BLM: variants seen among roughly 807,000 people sequenced by gnomAD.
The protein encoded by BLM is BLM RecQ like helicase.
Under a neutral mutation model 135.3 loss-of-function variants are expected in BLM, and 95 were observed. The observed-to-expected ratio is 0.70, with a 90% confidence interval of 0.59 to 0.83. BLM has a LOEUF of 0.83. Among genes scored for constraint, BLM ranks in the 40% least tolerant of loss-of-function variants. The pLI is 0.00. For missense variants in BLM, 1,518 were observed against 1,663.9 expected (o/e 0.91, Z 1.53); for synonymous variants, 520 against 589.2 (o/e 0.88, Z 1.70).
At chr15:90,783,058 GCA>G in intron 13 of BLM, 130 bp downstream of exon 13, 1 of 693,248 alleles carries the variant, frequency 1.4e-6, no homozygotes, top group South Asian at 1.7e-5. Context: ...TCTTTATAGA[GCA>G]GACTATTGCA....
At chr15:90,811,168 G>A (rs750776036) in intron 20 of BLM, 37 bp from the exon 21 acceptor site, 21 of 1,606,848 alleles carry the variant, frequency 1.3e-5, no homozygotes, top group African/African-American at 4.0e-5. Flanking sequence ...GGACCAGTGC[G>A]ACATCACCTG....
At chr15:90,744,730 A>C (rs1895455283) in intron 1 of BLM, among the ~76,000 whole-genome samples, 3 of 151,730 alleles carry the variant, frequency 2.0e-5, no homozygotes, top group Admixed American at 2.0e-4. Context: ...TGCAGAGATT[A>C]AGGTCTTAAA....
intron 4 of BLM, among the ~76,000 whole-genome samples, chr15:90,752,759 G>A (rs1895721793): frequency 6.6e-6 from 1 of 152,080 alleles, no homozygotes; most frequent in Non-Finnish European, 1.5e-5. Flanking sequence ...TGTTACCTTC[G>A]TCCTCATCCC....
At chr15:90,777,010 T>C (rs1896495188) in intron 12 of BLM, among the ~76,000 whole-genome samples, 1 of 152,040 alleles carries the variant, frequency 6.6e-6, no homozygotes, top group African/African-American at 2.4e-5. Flanking sequence ...TTTGTTTTTG[T>C]TTTTGTTTTG....
At chr15:90,780,632 C>G (rs949960675) in intron 12 of BLM, among the ~76,000 whole-genome samples, 1 of 152,212 alleles carries the variant, frequency 6.6e-6, no homozygotes, top group African/African-American at 2.4e-5. Context: ...ATATCAAAAA[C>G]ATTTGAAAGA....
At position 90,815,262 on chromosome 15, in the gene BLM, T is replaced by A. The variant is rs767443059; in HGVS notation, c.4237T>A (p.Ser1413Thr). 1 of 1,614,010 alleles carries A rather than the reference T, an allele frequency of 6.2e-7. No individual in the cohort carries two copies. The highest frequency in any genetic ancestry group is 8.5e-7 in the Non-Finnish European group (1 of 1,180,002). The change falls in exon 22 of 22, where the codon TCA (serine) becomes ACA (threonine). Residue 1413 changes from serine (S) to threonine (T), a missense_variant. Ser to Thr is a moderately conservative substitution (Grantham distance 58). Coordinates refer to ENST00000355112, the MANE Select transcript of BLM (RefSeq NM_000057.4). The surrounding 1 kb of genome is among the most constrained non-coding windows in gnomAD (Gnocchi z 4.6). The part of the protein sequence containing the change: ...KPINRPFLKP[S>T]YAFS ...TATAAATAGACCGTTTCTTAAGCCT[T>A]CATATGCATTCTCATAACAACCGAA... is the stretch of plus-strand genomic sequence containing the variant.
At chr15:90,726,537 G>A (rs1391500857) in intron 1 of BLM, among the ~76,000 whole-genome samples, 3 of 152,100 alleles carry the variant, frequency 2.0e-5, no homozygotes, top group Non-Finnish European at 4.4e-5. Context: ...CAAAGTGCTG[G>A]GATTACAGGC....
chr15:90,797,816 G>A (rs1164827609), intron 16 of BLM, among the ~76,000 whole-genome samples: 1 of 152,176 alleles, frequency 6.6e-6, no homozygotes, highest in African/African-American at 2.4e-5. Flanking sequence ...ACCCCAGAGG[G>A]GTTAGAATCC....
chr15:90,760,967 G>A lies in BLM; in HGVS notation c.1594G>A (p.Asp532Asn), dbSNP rs753723424. The A allele has an allele frequency of 6.2e-7, 1 of 1,614,010 alleles. No individual in the cohort carries two copies. Among genetic ancestry groups the A allele is most frequent in the Non-Finnish European group, 8.5e-7 (1 of 1,180,000 alleles). Residue 532 changes from aspartate (D) to asparagine (N), a missense_variant, in exon 7 of 22, where the codon GAT (aspartate) becomes AAT (asparagine). By Grantham distance (23) the Asp-to-Asn change is conservative. This residue lies in a region of BLM where 724 missense variants were observed against 756.9 expected (regional missense o/e 0.96). Transcript: ENST00000355112. ...GNVLTSTAVK[D>N]QNKHTASIND... ...TGTTCTCACAAGCACTGCTGTGAAA[G>A]ATCAGAATAAACATACTGCTTCAAT...
chr15:90,768,454 C>G (rs932838752), intron 10 of BLM, among the ~76,000 whole-genome samples: 1 of 152,156 alleles, frequency 6.6e-6, no homozygotes, highest in African/African-American at 2.4e-5. Flanking sequence ...CTTCTAGGCC[C>G]TGTTATGAAG....
intron 1 of BLM, among the ~76,000 whole-genome samples, 182 bp from the exon 2 acceptor site, chr15:90,747,207 T>TG (rs1895523894): frequency 7.9e-6 from 1 of 126,360 alleles, no homozygotes; most frequent in Non-Finnish European, 1.6e-5. Flanking sequence ...CAAGTGTCAC[T>TG]AGTTGTAAAT....
chr15:90,753,733 A>G (rs752977928), intron 4 of BLM, among the ~76,000 whole-genome samples: 1 of 152,268 alleles, frequency 6.6e-6, no homozygotes, highest in Non-Finnish European at 1.5e-5. Context: ...GTCAGACAGT[A>G]TATAACAGAG....
intron 11 of BLM, 51 bp downstream of exon 11, chr15:90,769,282 C>T: frequency 2.0e-6 from 3 of 1,533,376 alleles, no homozygotes; most frequent in East Asian, 2.2e-5. Context: ...ATACTACCAA[C>T]AATATATGTA....
At chr15:90,719,216 C>A (rs1035896913) in intron 1 of BLM, among the ~76,000 whole-genome samples, 10 of 152,172 alleles carry the variant, frequency 6.6e-5, no homozygotes, top group African/African-American at 2.4e-4. Flanking sequence ...TGGTCTCGAT[C>A]TCCTGACCTC....
At position 90,785,198 on chromosome 15, in the gene BLM, A is replaced by G. The variant is rs1387250407; in HGVS notation, c.2823+117A>G. On this transcript the variant is annotated intron_variant, in intron 14 of 21. Transcript: ENST00000355112. ...TGAAGGTAGTAAACATCAAAATAAG[A>G]CTGAAATTTAAAAAACAGATTTTCT... 4.3e-6 allele frequency: 5 copies of G among 1,163,128 alleles called. No individual in the cohort carries two copies. The African/African-American group carries it at 6.2e-5, about 14-fold the overall frequency. The allele number at this position is 1,163,128 out of a possible 1,614,324, so 72.1% of individuals were successfully genotyped here.
chr15:90,724,701 AG>A (rs1894863912), intron 1 of BLM, among the ~76,000 whole-genome samples: 1 of 152,218 alleles, frequency 6.6e-6, no homozygotes, highest in Admixed American at 6.5e-5. Flanking sequence ...ACACAGGACA[AG>A]GTATGTGGGA....
In BLM at chr15:90,788,934, C is replaced by CT. The variant is rs1049821999; in HGVS notation, c.2824-1714dup. On this transcript the variant is annotated intron_variant, in intron 14 of 21. Transcript: ENST00000355112. ...GTTGCAGTGAGCCAAAATCACGCCA[C>CT]TGCATTCCAGCCTGGGCAACAGACC... Among the ~76,000 whole-genome samples, 4 of 148,790 alleles carry CT rather than the reference C, an allele frequency of 2.7e-5. 1 individual carries two copies. Among genetic ancestry groups the CT allele is most frequent in the African/African-American group, 1.0e-4 (4 of 40,070 alleles).
At chr15:90,763,301 T>C in intron 8 of BLM, 144 bp downstream of exon 8, 1 of 827,998 alleles carries the variant, frequency 1.2e-6, no homozygotes, top group South Asian at 1.5e-5. Context: ...TGAGAAAGCA[T>C]ATTACTTTAT....
intron 18 of BLM, 87 bp downstream of exon 18, chr15:90,803,807 T>A: frequency 1.5e-6 from 2 of 1,300,968 alleles, no homozygotes; most frequent in Non-Finnish European, 2.2e-6. Context: ...TTGTCCAAGC[T>A]TATAGATACT....
Sources: allele counts gnomAD v4.1 joint callset (sites outside exome capture counted in the v4.1 genomes callset), GRCh38; gene constraint gnomAD v4.1.1; regional missense constraint gnomAD v4.1.1; non-coding constraint Gnocchi (gnomAD v3.1); transcripts MANE v1.5; gene names NCBI Gene and HGNC (gene_info 2026-07-23, HGNC 2026-07-21).